The following CLEC16A variants were observed in gnomAD, a reference collection of about 807,000 sequenced individuals.
CLEC16A encodes protein CLEC16A.
Under a neutral mutation model 109.5 loss-of-function variants are expected in CLEC16A, and 51 were observed. That is an observed-to-expected ratio of 0.47 (90% CI 0.37 to 0.59). The LOEUF (loss-of-function observed/expected upper bound fraction) is 0.59. Ranked by LOEUF, CLEC16A falls within the 20% of genes least tolerant of loss-of-function variation. The probability of loss-of-function intolerance (pLI) is 0.00; values close to 1 mark genes in which losing one functional copy is unlikely to be tolerated. For synonymous variants in CLEC16A, 673 were observed against 564.2 expected, an observed-to-expected ratio of 1.19 and a Z score of -2.73; for missense variants, 1,339 against 1,394.0, an observed-to-expected ratio of 0.96 and a Z score of 0.63.
rs560173302 is a variant in CLEC16A at position 10,961,767 on chromosome 16, C to A, written c.210-688C>A. ...ACAGTACATTTGGTTGTCATATCTC[C>A]CCAGCCTCCTCTGTTCCGTGACTCT... On this transcript the variant is annotated intron_variant, in intron 2 of 23. Coordinates refer to ENST00000409790, the MANE Select transcript of CLEC16A (RefSeq NM_015226.3). This position sits in a 1 kb window ranked among gnomAD's most constrained non-coding sequence, Gnocchi z 4.3. 1.3e-5 allele frequency among the ~76,000 whole-genome samples: 2 copies of A among 152,262 alleles called. No individual in the cohort carries two copies. Among genetic ancestry groups the A allele is most frequent in the South Asian group, 4.1e-4 (2 of 4,820 alleles).
chr16:11,136,958 A>C lies in CLEC16A; in HGVS notation c.2641+10812A>C, dbSNP rs1476198062. On this transcript the variant is annotated intron_variant, in intron 22 of 23. Coordinates refer to ENST00000409790, the MANE Select transcript of CLEC16A (RefSeq NM_015226.3). The stretch of plus-strand genomic sequence containing the variant: ...GGCCAGCCAGGGCTCCCTGGTTTCC[A>C]CTCCGTGAACCGCCATGCCCTCCGT... Among the ~76,000 whole-genome samples the C allele has an allele frequency of 2.0e-5, 3 of 151,832 alleles. 1 individual carries two copies. Among genetic ancestry groups the C allele is most frequent in the Non-Finnish European group, 2.9e-5 (2 of 67,964 alleles).
chr16:10,966,621 G>A (rs1331270726), intron 3 of CLEC16A, among the ~76,000 whole-genome samples: 1 of 152,160 alleles, frequency 6.6e-6, no homozygotes, highest in African/African-American at 2.4e-5. Context: ...GCACTGCTGG[G>A]GAGGCCTCAG....
chr16:10,957,296 T>C (rs1176140298), intron 1 of CLEC16A, among the ~76,000 whole-genome samples: 3 of 152,256 alleles, frequency 2.0e-5, no homozygotes, highest in Admixed American at 1.3e-4. Context: ...TCCTAAGCTG[T>C]GGCTCCATCT....
At chr16:11,012,075 G>A (rs1022693241) in intron 11 of CLEC16A, among the ~76,000 whole-genome samples, 2 of 152,020 alleles carry the variant, frequency 1.3e-5, no homozygotes, top group African/African-American at 4.8e-5. Flanking sequence ...ATATAGCTGA[G>A]CACATTAATT....
chr16:11,178,642 G>A lies in CLEC16A; in HGVS notation c.3114G>A (p.Val1038=). 6.3e-7 allele frequency: 1 copy of A among 1,576,948 alleles called. No homozygotes were observed. Among genetic ancestry groups the A allele is most frequent in the East Asian group, 2.3e-5 (1 of 43,796 alleles). ...STPAAACTEP[V]GEEAACAEPV... is the part of the protein sequence containing the mutation. ...CGGCTGCCGCCTGCACAGAGCCCGT[G>A]GGCGAAGAGGCTGCATGTGCTGAGC... is the stretch of plus-strand genomic sequence containing the variant. Residue 1038 remains valine, a synonymous_variant, in exon 24 of 24, where the codon GTG becomes GTA. Coordinates refer to ENST00000409790, the MANE Select transcript of CLEC16A (RefSeq NM_015226.3). This position sits in a 1 kb window ranked among gnomAD's most constrained non-coding sequence, Gnocchi z 6.5.
intron 22 of CLEC16A, among the ~76,000 whole-genome samples, chr16:11,165,918 G>A (rs2068241232): frequency 2.0e-5 from 3 of 152,132 alleles, no homozygotes; most frequent in African/African-American, 4.8e-5. Flanking sequence ...CCAGGGCACT[G>A]TCCTCCTGCC....
chr16:11,178,385 G>A lies in CLEC16A; in HGVS notation c.2857G>A (p.Val953Ile). The change falls in exon 24 of 24, where the codon GTA (valine) becomes ATA (isoleucine). Residue 953 changes from valine (V) to isoleucine (I), a missense_variant. By Grantham distance (29) the Val-to-Ile change is conservative. This residue lies in a region of CLEC16A where 1,061 missense variants were observed against 1,006.8 expected (regional missense o/e 1.05). Coordinates refer to ENST00000409790, the MANE Select transcript of CLEC16A (RefSeq NM_015226.3). The surrounding 1 kb of genome is among the most constrained non-coding windows in gnomAD (Gnocchi z 6.5). ...TAAGCCTCACCTTCCTGACCAGTTG[G>A]TAATCGTCAACGAAACGGAAGCAGA... ...LPKPHLPDQL[V>I]IVNETEADSK... is the part of the protein sequence containing the mutation. The A allele has an allele frequency of 1.2e-6, 2 of 1,613,816 alleles. No homozygotes were observed. The highest frequency in any genetic ancestry group is 1.7e-6 in the Non-Finnish European group (2 of 1,179,858).
chr16:11,076,695 G>A (rs767768739), intron 19 of CLEC16A, among the ~76,000 whole-genome samples: 2 of 152,166 alleles, frequency 1.3e-5, no homozygotes, highest in Non-Finnish European at 2.9e-5. Flanking sequence ...GACAGACAGC[G>A]CGACCTTTAA....
intron 2 of CLEC16A, 136 bp downstream of exon 2, chr16:10,958,046 G>C (rs1235230708): frequency 5.7e-6 from 4 of 702,862 alleles, no homozygotes; most frequent in Non-Finnish European, 8.3e-6. Context: ...TCTCTGTCTA[G>C]CTGTAAAAAA....
In CLEC16A at chr16:11,178,278, G is replaced by A. The variant is rs548521235; in HGVS notation, c.2807-57G>A. On this transcript the variant is annotated intron_variant, in intron 23 of 23. Coordinates refer to ENST00000409790, the MANE Select transcript of CLEC16A (RefSeq NM_015226.3). The surrounding 1 kb of genome is among the most constrained non-coding windows in gnomAD (Gnocchi z 6.5). The stretch of plus-strand genomic sequence containing the variant: ...GTTCAGGATGGGAGCACAGGGCGCA[G>A]TGCGACGGGGTGTCTCAAGGGCTCA... 39 of 1,480,278 alleles carry A rather than the reference G, an allele frequency of 2.6e-5. No individual in the cohort carries two copies. Among genetic ancestry groups the A allele is most frequent in the Non-Finnish European group, 3.6e-5 (39 of 1,077,692 alleles). 91.7% of individuals were successfully genotyped at this position (1,480,278 alleles called of 1,614,324 possible). A position where few individuals can be genotyped will look rare whatever the true frequency, so the allele number is the denominator to read the frequency against.
intron 1 of CLEC16A, among the ~76,000 whole-genome samples, chr16:10,948,414 A>T (rs2041543180): frequency 6.6e-6 from 1 of 152,190 alleles, no homozygotes; most frequent in Non-Finnish European, 1.5e-5. Context: ...GCTCAGGCAG[A>T]TTGAAGTAGT....
intron 22 of CLEC16A, among the ~76,000 whole-genome samples, chr16:11,160,640 G>T (rs572363677): frequency 6.6e-6 from 1 of 152,116 alleles, no homozygotes; most frequent in Admixed American, 6.5e-5. Context: ...TCACATCCCC[G>T]CATTAACAAA....
intron 1 of CLEC16A, 90 bp from the exon 2 acceptor site, chr16:10,957,692 C>A (rs928579126): frequency 8.3e-6 from 11 of 1,329,872 alleles, no homozygotes; most frequent in Non-Finnish European, 1.2e-5. Flanking sequence ...AGCATTGCTG[C>A]ATTGTCTCCA....
chr16:11,160,231 T>C (rs1174917294), intron 22 of CLEC16A, among the ~76,000 whole-genome samples: 1 of 152,034 alleles, frequency 6.6e-6, no homozygotes, highest in African/African-American at 2.4e-5. Flanking sequence ...TCGGGGGGCG[T>C]CCCTGCTCAT....
chr16:10,973,186 C>G, intron 7 of CLEC16A, 125 bp downstream of exon 7: 3 of 1,082,924 alleles, frequency 2.8e-6, no homozygotes, highest in Non-Finnish European at 3.8e-6. Context: ...AGAGCATGGA[C>G]TTCCGTACTG....
chr16:11,158,397 T>C (rs1352079910), intron 22 of CLEC16A, among the ~76,000 whole-genome samples: 1 of 152,174 alleles, frequency 6.6e-6, no homozygotes, highest in Non-Finnish European at 1.5e-5. Flanking sequence ...ATATTATGCT[T>C]TGCAATCTGC....
intron 22 of CLEC16A, among the ~76,000 whole-genome samples, chr16:11,160,849 C>G (rs2054699076): frequency 6.6e-6 from 1 of 152,198 alleles, no homozygotes; most frequent in African/African-American, 2.4e-5. Flanking sequence ...CTCAGGGCAG[C>G]TGCTGGAGTT....
rs1163603840 is a variant in CLEC16A at position 11,165,688 on chromosome 16, G to A, written c.2642-700G>A. Reference sequence around the variant, plus strand: ...TCTGGTGCTTCTGTGTGGGAAACAGGGGTGCACCCAGGTCTGAGTGTCTCC... The same window carrying A: ...TCTGGTGCTTCTGTGTGGGAAACAGAGGTGCACCCAGGTCTGAGTGTCTCC... On this transcript the variant is annotated intron_variant, in intron 22 of 23. Coordinates refer to ENST00000409790, the MANE Select transcript of CLEC16A (RefSeq NM_015226.3). Among the ~76,000 whole-genome samples the A allele has an allele frequency of 3.3e-5, 5 of 152,198 alleles. No individual in the cohort carries two copies. The South Asian group carries it at 1.0e-3, about 32-fold the overall frequency.
chr16:11,047,589 T>C, intron 17 of CLEC16A: 1 of 334,712 alleles, frequency 3.0e-6, no homozygotes. Context: ...TGAATAGTAA[T>C]TTTGGGGACA....
Sources: gnomAD v4.1 joint callset for allele counts (sites outside exome capture counted in the v4.1 genomes callset) on GRCh38, gnomAD v4.1.1 for gene constraint, gnomAD v4.1.1 regional missense constraint, Gnocchi (gnomAD v3.1) non-coding constraint, MANE v1.5 for transcripts, NCBI Gene and HGNC (gene_info 2026-07-23, HGNC 2026-07-21) for gene names.